PITPNC1: variants seen among roughly 807,000 people sequenced by gnomAD.
PITPNC1 encodes the protein cytoplasmic phosphatidylinositol transfer protein 1.
A neutral mutation model predicts 44.7 loss-of-function variants in PITPNC1; 18 were observed. The ratio of observed to expected loss-of-function variants is 0.40; its 90% confidence interval spans 0.28 to 0.60. The LOEUF (loss-of-function observed/expected upper bound fraction) is 0.60, where lower values mean the gene tolerates loss of function less well. Ranked by LOEUF, PITPNC1 falls within the 20% of genes least tolerant of loss-of-function variation. The probability of loss-of-function intolerance (pLI) is 0.39; values close to 1 mark genes in which losing one functional copy is unlikely to be tolerated. For missense variants in PITPNC1, 290 were observed against 418.4 expected (o/e 0.69, Z 2.68); for synonymous variants, 141 against 149.6 (o/e 0.94, Z 0.42).
intron 6 of PITPNC1, among the ~76,000 whole-genome samples, chr17:67,660,338 C>T (rs531647554): frequency 3.3e-5 from 5 of 152,184 alleles, no homozygotes; most frequent in East Asian, 1.9e-4. Flanking sequence ...CCAGCAATTC[C>T]GGGGTGCTAT....
In PITPNC1 at chr17:67,695,720, T is replaced by C. The variant is rs1489795962; in HGVS notation, c.*2832T>C. 1.3e-5 allele frequency: 2 copies of C among 151,880 alleles called. No homozygotes were observed. Among genetic ancestry groups the C allele is most frequent in the Non-Finnish European group, 2.9e-5 (2 of 67,962 alleles). 9.4% of individuals were successfully genotyped at this position (151,880 alleles called of 1,614,324 possible). A position where few individuals can be genotyped will look rare whatever the true frequency, so the allele number is the denominator to read the frequency against. The stretch of plus-strand genomic sequence containing the variant: ...AATAAATAATCCATAGAATATCACA[T>C]ACGTTCACTCCATCTTCATCTCTGA... On this transcript the variant is annotated 3_prime_UTR_variant, in exon 9 of 9. Transcript: ENST00000581322.
chr17:67,492,087 TA>T (rs920545007), intron 1 of PITPNC1, among the ~76,000 whole-genome samples: 113 of 151,692 alleles, frequency 7.4e-4, no homozygotes, highest in Admixed American at 1.5e-3. Context: ...ACTAACTCCT[TA>T]AAAAAAATCC....
chr17:67,607,754 G>A (rs1373624748), intron 5 of PITPNC1, among the ~76,000 whole-genome samples: 1 of 145,862 alleles, frequency 6.9e-6, no homozygotes, highest in African/African-American at 2.6e-5. Context: ...TTGAGATGGA[G>A]TTTCACTCTT....
intron 4 of PITPNC1, among the ~76,000 whole-genome samples, chr17:67,562,047 G>A (rs1459869693): frequency 2.0e-5 from 3 of 152,220 alleles, no homozygotes; most frequent in Non-Finnish European, 4.4e-5. Context: ...TAGATCGTAT[G>A]AGCCTGAATT....
intron 5 of PITPNC1, among the ~76,000 whole-genome samples, chr17:67,630,080 G>A (rs1177340579): frequency 1.3e-5 from 2 of 152,232 alleles, no homozygotes; most frequent in East Asian, 3.8e-4. Flanking sequence ...ATCCAACCGA[G>A]ATGAGTTGAG....
intron 2 of PITPNC1, among the ~76,000 whole-genome samples, chr17:67,536,519 G>A (rs534056945): frequency 6.6e-6 from 1 of 152,278 alleles, no homozygotes; most frequent in Admixed American, 6.5e-5. Context: ...GAGCCACCGT[G>A]CCCAGCCTAA....
In PITPNC1 at chr17:67,674,501, C is replaced by CAA. The variant is rs66932178; in HGVS notation, c.619-964_619-963dup. Among the ~76,000 whole-genome samples the CAA allele has an allele frequency of 4.2e-3, 474 of 111,608 alleles. 28 individuals carry two copies. The highest frequency in any genetic ancestry group is 0.016 in the South Asian group (54 of 3,454). 73.2% of individuals were successfully genotyped at this position (111,608 alleles called of 152,430 possible). On this transcript the variant is annotated intron_variant, in intron 7 of 8. Coordinates refer to ENST00000581322, the MANE Select transcript of PITPNC1 (RefSeq NM_012417.4). ...CCTGGGGGACAGAGCAAGACTGTCT[C>CAA]AAAAAAAAAAAAAAATCAGTATTTA...
chr17:67,583,841 G>A (rs1218291519), intron 5 of PITPNC1, among the ~76,000 whole-genome samples: 5 of 150,734 alleles, frequency 3.3e-5, no homozygotes, highest in African/African-American at 9.8e-5. Flanking sequence ...GAGTACAGGC[G>A]CCCGCCACCA....
At chr17:67,685,644 C>A (rs12938001) in intron 8 of PITPNC1, among the ~76,000 whole-genome samples, 15,243 of 152,120 alleles carry the variant, frequency 0.1, 1,031 homozygotes, top group Non-Finnish European at 0.14. Flanking sequence ...CATGAAGTTC[C>A]GCTCTGCCAA....
chr17:67,456,712 G>C (rs1328739699), intron 1 of PITPNC1, among the ~76,000 whole-genome samples: 1 of 151,422 alleles, frequency 6.6e-6, no homozygotes, highest in African/African-American at 2.4e-5. Context: ...TGTTATTTTT[G>C]TTGTTTTGTG....
intron 8 of PITPNC1, 94 bp downstream of exon 8, chr17:67,675,636 C>A: frequency 1.2e-6 from 1 of 816,866 alleles, no homozygotes; most frequent in South Asian, 1.4e-5. Context: ...AGAAGGACAA[C>A]AACAAAGGCA....
intron 1 of PITPNC1, among the ~76,000 whole-genome samples, chr17:67,382,225 CTTTAT>C (rs2037972078): frequency 6.6e-6 from 1 of 152,102 alleles, no homozygotes; most frequent in African/African-American, 2.4e-5. Context: ...ATTTCTCTAG[CTTTAT>C]TTTAACACAT....
At chr17:67,562,884 A>G (rs1036331682) in intron 4 of PITPNC1, among the ~76,000 whole-genome samples, 1 of 152,186 alleles carries the variant, frequency 6.6e-6, no homozygotes, top group Non-Finnish European at 1.5e-5. Flanking sequence ...GGAGATAAAA[A>G]TTTTTTAATG....
At chr17:67,536,764 C>T (rs1214323993) in intron 2 of PITPNC1, among the ~76,000 whole-genome samples, 1 of 152,102 alleles carries the variant, frequency 6.6e-6, no homozygotes, top group Non-Finnish European at 1.5e-5. Flanking sequence ...TAGAGATGGC[C>T]ATGTGGACCT....
intron 1 of PITPNC1, among the ~76,000 whole-genome samples, chr17:67,448,313 CT>C (rs1598675996): frequency 3.3e-5 from 5 of 151,880 alleles, no homozygotes; most frequent in Admixed American, 6.6e-5. Flanking sequence ...TTTTCATTTG[CT>C]TTTGGTCACA....
intron 4 of PITPNC1, among the ~76,000 whole-genome samples, chr17:67,572,647 A>G (rs1030827556): frequency 4.1e-4 from 63 of 152,052 alleles, no homozygotes; most frequent in Admixed American, 4.1e-3. Flanking sequence ...TAAAGGGACA[A>G]ACAGAATGCT....
At chr17:67,476,800 C>T (rs916947782) in intron 1 of PITPNC1, among the ~76,000 whole-genome samples, 4 of 151,970 alleles carry the variant, frequency 2.6e-5, no homozygotes, top group African/African-American at 7.3e-5. Context: ...TATGGATTAA[C>T]GGGGCCGGGC....
intron 1 of PITPNC1, among the ~76,000 whole-genome samples, chr17:67,389,816 A>G (rs992943618): frequency 2.6e-5 from 4 of 151,900 alleles, no homozygotes; most frequent in Admixed American, 6.6e-5. Context: ...AGTAGCTGGG[A>G]CTACAGGCAC....
intron 5 of PITPNC1, among the ~76,000 whole-genome samples, chr17:67,615,533 C>G (rs1393211440): frequency 3.9e-5 from 6 of 152,136 alleles, no homozygotes; most frequent in Admixed American, 3.9e-4. Flanking sequence ...TGAGGCTGAG[C>G]TAGTGTAGTG....
Sources: allele counts gnomAD v4.1 joint callset (sites outside exome capture counted in the v4.1 genomes callset), GRCh38; gene constraint gnomAD v4.1.1; transcripts MANE v1.5; gene names NCBI Gene and HGNC (gene_info 2026-07-23, HGNC 2026-07-21).